Variants in NBAS observed in about 807,000 individuals in gnomAD.
NBAS encodes NAG/BC035112 fusion.
Under a neutral mutation model 302.5 loss-of-function variants are expected in NBAS, and 219 were observed. That is an observed-to-expected ratio of 0.72 (90% CI 0.65 to 0.81). NBAS has a LOEUF of 0.81. Ranked by LOEUF, NBAS falls within the 30% of genes least tolerant of loss-of-function variation. The pLI is 0.00. For synonymous variants in NBAS, 1,118 were observed against 1,021.6 expected (o/e 1.09, Z -1.80); for missense variants, 2,932 against 2,841.6 (o/e 1.03, Z -0.72).
chr2:15,485,657 T>C (rs189005422), intron 12 of NBAS, among the ~76,000 whole-genome samples: 50 of 152,356 alleles, frequency 3.3e-4, no homozygotes, highest in African/African-American at 1.1e-3. Context: ...CTGTACCTTC[T>C]TCCTATTAAG....
At chr2:15,425,238 A>C (rs1677412936) in intron 22 of NBAS, among the ~76,000 whole-genome samples, 1 of 152,284 alleles carries the variant, frequency 6.6e-6, no homozygotes, top group Non-Finnish European at 1.5e-5. Context: ...ATAGTCATTC[A>C]TCTAAAGCAA....
chr2:15,030,646 C>T, the NBAS span, among the ~76,000 whole-genome samples: 1 of 152,116 alleles, frequency 6.6e-6, no homozygotes, highest in Non-Finnish European at 1.5e-5. Context: ...TGGTTCATGC[C>T]CTGAATTTCT....
chr2:15,339,756 G>A (rs1672761438), intron 35 of NBAS, among the ~76,000 whole-genome samples: 1 of 152,118 alleles, frequency 6.6e-6, no homozygotes, highest in African/African-American at 2.4e-5. Context: ...CACAGAGAAA[G>A]AGCAGGGAAG....
chr2:15,052,938 A>G, the NBAS span, among the ~76,000 whole-genome samples: 4 of 152,232 alleles, frequency 2.6e-5, no homozygotes, highest in Non-Finnish European at 5.9e-5. Flanking sequence ...CTGAAGGGGA[A>G]GAACAGTAGA....
In NBAS at chr2:15,379,694, G is replaced by A. The variant is rs1350278478; in HGVS notation, c.3498C>T (p.Ser1166=). 1.9e-6 allele frequency: 3 copies of A among 1,613,906 alleles called. No individual in the cohort carries two copies. The highest frequency in any genetic ancestry group is 2.5e-6 in the Non-Finnish European group (3 of 1,180,010). Residue 1166 remains serine (S), a synonymous_variant, in exon 30 of 52, where the codon AGC becomes AGT. Transcript: ENST00000281513. Reference sequence around the variant, plus strand: ...AAACCAAGTCAATACTCTTTTCGTAGCTGACCCTGTAGTGGGGTTTCCCTT... The same window carrying A: ...AAACCAAGTCAATACTCTTTTCGTAACTGACCCTGTAGTGGGGTTTCCCTT... The part of the protein sequence containing the change: ...AHKGKPHYRV[S]YEKSIDLVLA...
intron 17 of NBAS, 25 bp downstream of exon 17, chr2:15,468,357 G>A: frequency 6.2e-7 from 1 of 1,613,478 alleles, no homozygotes; most frequent in Non-Finnish European, 8.5e-7. Flanking sequence ...CCTTTACTTT[G>A]AATCCAATTC....
the NBAS span, among the ~76,000 whole-genome samples, chr2:14,938,928 T>C: frequency 6.6e-6 from 1 of 152,196 alleles, no homozygotes; most frequent in Non-Finnish European, 1.5e-5. Context: ...CTATAGAAAT[T>C]TTCTTTGGTC....
In NBAS at chr2:15,331,560, T is replaced by C. The variant is rs556213157; in HGVS notation, c.4180-795A>G. ...TTAAGGCTTAGTTTATCAATACCAATAGCTTGTTGTGATCACAGAAGGATA... is the reference window on the plus strand; with the variant it reads ...TTAAGGCTTAGTTTATCAATACCAACAGCTTGTTGTGATCACAGAAGGATA... On this transcript the variant is annotated intron_variant, in intron 35 of 51. Transcript: ENST00000281513. Among the ~76,000 whole-genome samples the C allele has an allele frequency of 3.0e-3, 457 of 152,324 alleles. 2 individuals are homozygous for C. The highest frequency in any genetic ancestry group is 9.4e-3 in the Admixed American group (143 of 15,294).
chr2:15,098,305 A>C, the NBAS span, among the ~76,000 whole-genome samples: 1 of 14,976 alleles, frequency 6.7e-5, no homozygotes, highest in Non-Finnish European at 8.7e-5. Flanking sequence ...TACAATATAT[A>C]ATATATTGTA....
chr2:15,509,480 C>A (rs754058496), intron 10 of NBAS, among the ~76,000 whole-genome samples: 2 of 152,122 alleles, frequency 1.3e-5, no homozygotes. Context: ...GCCATATAAA[C>A]CAGTAAGTTG....
intron 35 of NBAS, among the ~76,000 whole-genome samples, chr2:15,336,750 A>G (rs1364614968): frequency 1.3e-5 from 2 of 152,140 alleles, no homozygotes; most frequent in African/African-American, 4.8e-5. Flanking sequence ...AAAGTCTCAT[A>G]TGTTGTATTC....
At chr2:15,263,341 G>A (rs560875519) in intron 44 of NBAS, among the ~76,000 whole-genome samples, 8 of 152,150 alleles carry the variant, frequency 5.3e-5, no homozygotes, top group Non-Finnish European at 8.8e-5. Flanking sequence ...CAATCCGCCC[G>A]CTTCAGCTTC....
intron 38 of NBAS, among the ~76,000 whole-genome samples, chr2:15,326,773 T>C (rs555411571): frequency 1.2e-3 from 179 of 152,192 alleles, no homozygotes; most frequent in African/African-American, 3.9e-3. Flanking sequence ...CATCTCAGAA[T>C]TGAAGAAATA....
intron 44 of NBAS, among the ~76,000 whole-genome samples, chr2:15,268,542 T>G (rs1459511060): frequency 6.6e-6 from 1 of 152,170 alleles, no homozygotes; most frequent in Non-Finnish European, 1.5e-5. Flanking sequence ...ATTAGAAAAT[T>G]TCAGCCTCCA....
chr2:15,007,508 T>C, the NBAS span, among the ~76,000 whole-genome samples: 2 of 152,234 alleles, frequency 1.3e-5, no homozygotes, highest in South Asian at 2.1e-4. Flanking sequence ...CAGTCCTTTT[T>C]CTTGTGGAGC....
chr2:15,208,054 G>A (rs1282021775), intron 48 of NBAS, among the ~76,000 whole-genome samples: 2 of 152,148 alleles, frequency 1.3e-5, no homozygotes, highest in Admixed American at 6.5e-5. Context: ...TGTTATTAGA[G>A]CTAAAGAAAG....
chr2:15,069,865 C>T, the NBAS span, among the ~76,000 whole-genome samples: 4 of 152,088 alleles, frequency 2.6e-5, no homozygotes, highest in Admixed American at 6.5e-5. Context: ...ATTATGATAG[C>T]GAGGCAGGAA....
At position 15,475,806 on chromosome 2, in the gene NBAS, C is replaced by CAA; in HGVS notation, c.1221_1222insTT (p.Gly408LeufsTer4). On this transcript the variant is annotated frameshift_variant, in exon 14 of 52. Transcript: ENST00000281513. LOFTEE classifies it high-confidence loss of function. ...TTCACAGATGAAACAGTTAAAGCAC[C>CAA]AGAGCATCGAGCTAAAGTCACTGCA... is the stretch of plus-strand genomic sequence containing the variant. 1 of 1,614,020 alleles carries CAA rather than the reference C, an allele frequency of 6.2e-7. No individual in the cohort carries two copies. The highest frequency in any genetic ancestry group is 8.5e-7 in the Non-Finnish European group (1 of 1,179,958).
At chr2:14,985,753 C>T in the NBAS span, among the ~76,000 whole-genome samples, 5 of 152,216 alleles carry the variant, frequency 3.3e-5, no homozygotes, top group Non-Finnish European at 5.9e-5. Flanking sequence ...ATATTACATA[C>T]ATGGCTTCCA....
Sources: gnomAD v4.1 joint callset for allele counts (sites outside exome capture counted in the v4.1 genomes callset) on GRCh38, gnomAD v4.1.1 for gene constraint, MANE v1.5 for transcripts, NCBI Gene and HGNC (gene_info 2026-07-23, HGNC 2026-07-21) for gene names.